The following CAMKMT variants were observed in gnomAD, a reference collection of about 807,000 sequenced individuals.
CAMKMT encodes CaM KMT.
CAMKMT carries 53 observed loss-of-function variants against 48.0 expected under a neutral mutation model. That is an observed-to-expected ratio of 1.10 (90% confidence interval 0.89 to 1.39). The LOEUF is 1.39. CAMKMT is among the 40% of genes most tolerant of loss of function. CAMKMT has a pLI of 0.00. For synonymous variants in CAMKMT, 165 were observed against 152.3 expected, an observed-to-expected ratio of 1.08 and a Z score of -0.61; for missense variants, 428 against 402.7, an observed-to-expected ratio of 1.06 and a Z score of -0.54.
At chr2:44,751,211 G>A (rs563726930) in intron 8 of CAMKMT, among the ~76,000 whole-genome samples, 22 of 152,216 alleles carry the variant, frequency 1.4e-4, no homozygotes, top group South Asian at 2.1e-4. Flanking sequence ...GACCAACCCC[G>A]CCTAACTCTA....
intron 3 of CAMKMT, among the ~76,000 whole-genome samples, chr2:44,489,716 T>C (rs769351887): frequency 4.0e-5 from 6 of 151,748 alleles, no homozygotes; most frequent in Non-Finnish European, 7.4e-5. Flanking sequence ...TTTAACAGAA[T>C]GGAAAAAATA....
chr2:44,522,280 C>T (rs1671158080), intron 3 of CAMKMT, among the ~76,000 whole-genome samples: 2 of 152,104 alleles, frequency 1.3e-5, no homozygotes, highest in Non-Finnish European at 1.5e-5. Context: ...GCTGGGATTA[C>T]AGGCATGAGC....
intron 3 of CAMKMT, among the ~76,000 whole-genome samples, chr2:44,503,217 T>C (rs1001467047): frequency 6.6e-6 from 1 of 152,150 alleles, no homozygotes; most frequent in Admixed American, 6.6e-5. Context: ...CCCCTGCTTG[T>C]GTCATTCAGG....
intron 10 of CAMKMT, among the ~76,000 whole-genome samples, chr2:44,768,123 C>T (rs1200681417): frequency 6.6e-6 from 1 of 152,098 alleles, no homozygotes; most frequent in East Asian, 1.9e-4. Context: ...TTATTTCCAA[C>T]GTTGTACACT....
At chr2:44,506,583 G>A (rs956855588) in intron 3 of CAMKMT, among the ~76,000 whole-genome samples, 5 of 152,108 alleles carry the variant, frequency 3.3e-5, no homozygotes, top group South Asian at 2.1e-4. Flanking sequence ...TGTTCTGGTC[G>A]GACAGAAATA....
intron 3 of CAMKMT, among the ~76,000 whole-genome samples, chr2:44,416,715 C>T (rs759770087): frequency 6.6e-6 from 1 of 151,274 alleles, no homozygotes; most frequent in Non-Finnish European, 1.5e-5. Flanking sequence ...GCTGTGATTA[C>T]AGGTGCCCAC....
At chr2:44,517,275 A>G (rs2104786576) in intron 3 of CAMKMT, among the ~76,000 whole-genome samples, 1 of 152,312 alleles carries the variant, frequency 6.6e-6, no homozygotes, top group East Asian at 1.9e-4. Flanking sequence ...GAGAAGATAC[A>G]CTGTGTCTGG....
chr2:44,450,163 C>T (rs998003041), intron 3 of CAMKMT, among the ~76,000 whole-genome samples: 10 of 152,042 alleles, frequency 6.6e-5, no homozygotes, highest in Admixed American at 6.6e-4. Context: ...GGTGAACATA[C>T]CCCAGGAGCA....
At chr2:44,582,222 T>C (rs555967829) in intron 3 of CAMKMT, among the ~76,000 whole-genome samples, 18 of 152,232 alleles carry the variant, frequency 1.2e-4, no homozygotes, top group Admixed American at 4.6e-4. Context: ...TTTTGACATT[T>C]AGATTGCTTC....
chr2:44,423,654 A>C (rs934389282), intron 3 of CAMKMT, among the ~76,000 whole-genome samples: 4 of 152,218 alleles, frequency 2.6e-5, no homozygotes, highest in Non-Finnish European at 4.4e-5. Flanking sequence ...GAACTGCTGG[A>C]GAGCAGGAAG....
At chr2:44,750,589 A>G (rs777932717) in intron 8 of CAMKMT, among the ~76,000 whole-genome samples, 19 of 152,210 alleles carry the variant, frequency 1.2e-4, no homozygotes, top group Non-Finnish European at 2.5e-4. Flanking sequence ...TGTATGTCTC[A>G]TACACTCCTC....
intron 3 of CAMKMT, among the ~76,000 whole-genome samples, chr2:44,407,196 G>C (rs532209723): frequency 1.3e-5 from 2 of 152,268 alleles, no homozygotes; most frequent in South Asian, 2.1e-4. Flanking sequence ...TTAGAGCCTG[G>C]GGTCTTAGAG....
chr2:44,515,691 C>T (rs1186646657), intron 3 of CAMKMT, among the ~76,000 whole-genome samples: 7 of 152,158 alleles, frequency 4.6e-5, no homozygotes, highest in Non-Finnish European at 1.0e-4. Context: ...TTTAAAGCTA[C>T]AGCACATGTT....
At chr2:44,372,011 T>C (rs981217886) in intron 1 of CAMKMT, among the ~76,000 whole-genome samples, 1 of 152,172 alleles carries the variant, frequency 6.6e-6, no homozygotes, top group Non-Finnish European at 1.5e-5. Context: ...CCTTGCATAC[T>C]CAATATACCT....
intron 3 of CAMKMT, among the ~76,000 whole-genome samples, chr2:44,494,587 GT>G (rs543706710): frequency 2.1e-3 from 316 of 152,276 alleles, no homozygotes; most frequent in African/African-American, 7.1e-3. Flanking sequence ...GCAATTCAAA[GT>G]GTTGGATTGT....
rs190331220 is a variant in CAMKMT at position 44,437,445 on chromosome 2, C to T, written c.376+47140C>T. Among the ~76,000 whole-genome samples, 581 of 146,924 alleles carry T rather than the reference C, an allele frequency of 4.0e-3. 3 individuals carry two copies. Among genetic ancestry groups the T allele is most frequent in the African/African-American group, 0.015 (547 of 36,534 alleles). ...TAGGGGATGGCAAGGGACCTGGGGC[C>T]GTCAAACCAGTAGTTGAAAACGTTT... On this transcript the variant is annotated intron_variant, in intron 3 of 10. Coordinates refer to ENST00000378494, the MANE Select transcript of CAMKMT (RefSeq NM_024766.5).
intron 2 of CAMKMT, among the ~76,000 whole-genome samples, chr2:44,382,398 C>T (rs566823630): frequency 6.6e-6 from 1 of 151,576 alleles, no homozygotes; most frequent in Admixed American, 6.6e-5. Context: ...TGATTGGTGA[C>T]TTTGTTTTTT....
intron 3 of CAMKMT, among the ~76,000 whole-genome samples, chr2:44,589,425 G>A (rs1279100703): frequency 1.9e-5 from 1 of 54,008 alleles, no homozygotes; most frequent in Non-Finnish European, 3.9e-5. Flanking sequence ...TGACAATGGC[G>A]GTTTTGTGGA....
intron 3 of CAMKMT, chr2:44,394,736 AT>A: frequency 2.7e-6 from 1 of 368,854 alleles, no homozygotes; most frequent in Non-Finnish European, 5.5e-6. Context: ...CCTGACCAGG[AT>A]TTTTAATGCA....
Sources: allele counts gnomAD v4.1 joint callset (sites outside exome capture counted in the v4.1 genomes callset), GRCh38; gene constraint gnomAD v4.1.1; transcripts MANE v1.5; gene names NCBI Gene and HGNC (gene_info 2026-07-23, HGNC 2026-07-21).